MRE11: variants seen among roughly 807,000 people sequenced by gnomAD.
MRE11 encodes the protein MRE11 double strand break repair nuclease.
A neutral mutation model predicts 91.7 loss-of-function variants in MRE11; 62 were observed. That is an observed-to-expected ratio of 0.68 (90% confidence interval 0.55 to 0.84). The LOEUF is 0.84. Among genes scored for constraint, MRE11 ranks in the 40% least tolerant of loss-of-function variants. MRE11 has a pLI of 0.00. For missense variants in MRE11, 796 were observed against 852.9 expected, an observed-to-expected ratio of 0.93 and a Z score of 0.83; for synonymous variants, 273 against 271.4, an observed-to-expected ratio of 1.01 and a Z score of -0.06.
At chr11:94,470,696 T>C in intron 8 of MRE11, 54 bp from the exon 9 acceptor site, 2 of 1,576,566 alleles carry the variant, frequency 1.3e-6, no homozygotes, top group Non-Finnish European at 1.7e-6. Flanking sequence ...CTCAGGGTGA[T>C]GTGCAAACGA....
At chr11:94,451,219 C>G (rs1447619818) in intron 14 of MRE11, among the ~76,000 whole-genome samples, 2 of 151,808 alleles carry the variant, frequency 1.3e-5, no homozygotes. Context: ...AGGGAAGACC[C>G]AAGACTTATG....
the MRE11 span, among the ~76,000 whole-genome samples, chr11:94,501,897 A>G: frequency 6.6e-6 from 1 of 152,232 alleles, no homozygotes; most frequent in Non-Finnish European, 1.5e-5. Flanking sequence ...TTAAAAATAA[A>G]TATCAATATG....
intron 4 of MRE11, among the ~76,000 whole-genome samples, chr11:94,482,705 G>A (rs539413136): frequency 4.6e-5 from 7 of 152,082 alleles, no homozygotes; most frequent in Admixed American, 6.5e-5. Context: ...AGGCCAAGTC[G>A]GGAGGATCAC....
chr11:94,507,422 C>T, the MRE11 span, among the ~76,000 whole-genome samples: 2,390 of 152,014 alleles, frequency 0.016, 66 homozygotes, highest in African/African-American at 0.055. Context: ...TTATGAATAA[C>T]GCTGCCATAA....
At chr11:94,460,183 G>C (rs981083689) in intron 12 of MRE11, among the ~76,000 whole-genome samples, 22 of 152,172 alleles carry the variant, frequency 1.4e-4, no homozygotes, top group African/African-American at 5.3e-4. Flanking sequence ...CTCCCTTAGA[G>C]CCTCCAAAAA....
Position 94,470,517 on chromosome 11 carries a change from T to C in MRE11, c.971A>G (p.Asp324Gly), listed in dbSNP as rs763563427. The C allele has an allele frequency of 4.3e-6, 7 of 1,613,148 alleles. No homozygotes were observed. Among genetic ancestry groups the C allele is most frequent in the South Asian group, 1.1e-5 (1 of 91,066 alleles). ...TATGGCTTGGGTTACTTTAGGATTA[T>C]CTGGGTTAAAAATGTCTGGATGATT... ...LANHPDIFNP[D>G]NPKVTQAIQS... Residue 324 changes from aspartate to glycine, a missense_variant, in exon 9 of 20, where the codon GAT becomes GGT. By Grantham distance (94) the Asp-to-Gly change is moderately conservative. Transcript: ENST00000323929.
intron 16 of MRE11, among the ~76,000 whole-genome samples, chr11:94,438,840 A>C (rs1945697220): frequency 1.3e-5 from 2 of 152,342 alleles, no homozygotes; most frequent in South Asian, 2.1e-4. Context: ...TTCATGCAGA[A>C]AACTGCTGAG....
chr11:94,447,111 C>T, intron 15 of MRE11, 108 bp downstream of exon 15: 1 of 1,150,980 alleles, frequency 8.7e-7, no homozygotes, highest in Non-Finnish European at 1.3e-6. Context: ...TTTTAAAGAA[C>T]CGTGTTTTAG....
intron 8 of MRE11, 24 bp from the exon 9 acceptor site, chr11:94,470,666 C>A (rs755674606): frequency 6.2e-7 from 1 of 1,611,032 alleles, no homozygotes; most frequent in South Asian, 1.1e-5. Context: ...AAATGAACAC[C>A]GAGTCACAGT....
intron 16 of MRE11, among the ~76,000 whole-genome samples, chr11:94,445,155 T>C (rs548353772): frequency 5.9e-5 from 9 of 152,272 alleles, no homozygotes; most frequent in African/African-American, 1.9e-4. Context: ...CAGGGCAGTA[T>C]GGGGGAAGCA....
chr11:94,468,997 T>C (rs367869018), intron 9 of MRE11, among the ~76,000 whole-genome samples: 1 of 152,126 alleles, frequency 6.6e-6, no homozygotes, highest in East Asian at 1.9e-4. Flanking sequence ...ATGGGTCCTG[T>C]CCTCAAAGAG....
At chr11:94,427,121 G>A (rs1945343942) in intron 19 of MRE11, among the ~76,000 whole-genome samples, 1 of 152,050 alleles carries the variant, frequency 6.6e-6, no homozygotes, top group South Asian at 2.1e-4. Flanking sequence ...CAATATCCCT[G>A]ATGAACACAG....
intron 7 of MRE11, chr11:94,475,529 A>T (rs1946829821): frequency 2.2e-6 from 1 of 450,260 alleles, no homozygotes. Context: ...TTTCATTGCC[A>T]TCACTGTCAC....
chr11:94,456,966 A>G (rs1044976252), intron 13 of MRE11, among the ~76,000 whole-genome samples: 3 of 152,196 alleles, frequency 2.0e-5, no homozygotes, highest in African/African-American at 7.2e-5. Context: ...AGCACCTTCA[A>G]TGTGCCATAT....
chr11:94,490,739 G>C, intron 3 of MRE11, 94 bp downstream of exon 3: 2 of 1,445,698 alleles, frequency 1.4e-6, no homozygotes, highest in Non-Finnish European at 1.9e-6. Flanking sequence ...GTAAGCACCT[G>C]AGCTTATAAA....
rs1014392511 is a variant in MRE11 at position 94,475,576 on chromosome 11, T to A, written c.659+713A>T. 6.6e-6 allele frequency: 3 copies of A among 455,708 alleles called. No homozygotes were observed. In the Admixed American group the frequency reaches 7.1e-5, roughly 11 times the overall value. The allele number at this position is 455,708 out of a possible 1,614,324, so 28.2% of individuals were successfully genotyped here. A position where few individuals can be genotyped will look rare whatever the true frequency, so the allele number is the denominator to read the frequency against. On this transcript the variant is annotated intron_variant, in intron 7 of 19. Transcript: ENST00000323929. Reference sequence around the variant, plus strand: ...TTTACTGCAGTGATCAGATAATAAATCTTGCTTCTTCAAGTCTGTCTTCTT... The same window carrying A: ...TTTACTGCAGTGATCAGATAATAAAACTTGCTTCTTCAAGTCTGTCTTCTT...
At chr11:94,467,946 G>C (rs1195384226) in intron 9 of MRE11, 53 bp from the exon 10 acceptor site, 2 of 1,409,462 alleles carry the variant, frequency 1.4e-6, no homozygotes, top group Non-Finnish European at 2.0e-6. Flanking sequence ...AGTTTAACTT[G>C]GCTGAATAGC....
chr11:94,483,334 G>A (rs1947058226), intron 4 of MRE11, among the ~76,000 whole-genome samples: 1 of 152,138 alleles, frequency 6.6e-6, no homozygotes, highest in Non-Finnish European at 1.5e-5. Context: ...GCTGGGTGTG[G>A]TGGCTGATAT....
At chr11:94,480,962 A>G (rs977169007) in intron 4 of MRE11, among the ~76,000 whole-genome samples, 2 of 152,220 alleles carry the variant, frequency 1.3e-5, no homozygotes, top group African/African-American at 4.8e-5. Flanking sequence ...TTATAGGAGA[A>G]AAATATTTCA....
Sources: gnomAD v4.1 joint callset for allele counts (sites outside exome capture counted in the v4.1 genomes callset) on GRCh38, gnomAD v4.1.1 for gene constraint, MANE v1.5 for transcripts, NCBI Gene and HGNC (gene_info 2026-07-23, HGNC 2026-07-21) for gene names.